PRRC1: variants seen among roughly 807,000 people sequenced by gnomAD.
The protein encoded by PRRC1 is protein PRRC1.
PRRC1 carries 39 observed loss-of-function variants against 40.7 expected under a neutral mutation model. That is an observed-to-expected ratio of 0.96 (90% CI 0.74 to 1.25). The LOEUF (loss-of-function observed/expected upper bound fraction) is 1.25. PRRC1 is among the 50% of genes most tolerant of loss of function. The pLI is 0.00. For missense variants in PRRC1, 573 were observed against 548.3 expected (o/e 1.05, Z -0.45); for synonymous variants, 175 against 193.3 (o/e 0.91, Z 0.79).
In PRRC1 at chr5:127,523,459, G is replaced by T. The variant is rs766150819; in HGVS notation, c.-20-1G>T. 4 of 1,484,154 alleles carry T rather than the reference G, an allele frequency of 2.7e-6. No homozygotes were observed. Among genetic ancestry groups the T allele is most frequent in the Non-Finnish European group, 3.7e-6 (4 of 1,079,482 alleles). 91.9% of individuals were successfully genotyped at this position (1,484,154 alleles called of 1,614,324 possible). A position where few individuals can be genotyped will look rare whatever the true frequency, so the allele number is the denominator to read the frequency against. The stretch of plus-strand genomic sequence containing the variant: ...TTTGTTACATTTTTGTGTTTTTATA[G>T]TATACCATAATTGAAGAAAAATGAT... On this transcript the variant is annotated splice_acceptor_variant, in intron 1 of 8. Transcript: ENST00000296666. LOFTEE classifies it low-confidence loss of function (5UTR_SPLICE).
At chr5:127,517,882 T>TGGGC (rs2127084388) in intron 1 of PRRC1, 106 bp downstream of exon 1, 1 of 152,166 alleles carries the variant, frequency 6.6e-6, no homozygotes, top group East Asian at 1.9e-4. Context: ...CCCTGGAAGG[T>TGGGC]GGGCGGGCCG....
chr5:127,539,706 G>A (rs58054308), intron 7 of PRRC1, among the ~76,000 whole-genome samples: 14 of 152,048 alleles, frequency 9.2e-5, no homozygotes, highest in African/African-American at 3.1e-4. Context: ...TTGCATTATG[G>A]TTTTGTTGTT....
chr5:127,546,433 G>A (rs1474999712), intron 7 of PRRC1, among the ~76,000 whole-genome samples: 1 of 152,012 alleles, frequency 6.6e-6, no homozygotes, highest in Non-Finnish European at 1.5e-5. Context: ...TGAATATATG[G>A]TGCTGTCTCT....
chr5:127,536,135 G>GC (rs1487696393), intron 6 of PRRC1, among the ~76,000 whole-genome samples: 2 of 152,044 alleles, frequency 1.3e-5, no homozygotes, highest in African/African-American at 4.8e-5. Flanking sequence ...GCTGCCAAAA[G>GC]CACATGCACT....
chr5:127,539,566 T>G (rs1298146565), intron 7 of PRRC1, among the ~76,000 whole-genome samples: 1 of 152,040 alleles, frequency 6.6e-6, no homozygotes, highest in South Asian at 2.1e-4. Context: ...CATAATAGTT[T>G]AGAAAAACCT....
chr5:127,526,108 G>T lies in PRRC1; in HGVS notation c.494-510G>T, dbSNP rs138718895. Among the ~76,000 whole-genome samples the T allele has an allele frequency of 5.4e-3, 827 of 152,220 alleles. 2 individuals are homozygous for T. The highest frequency in any genetic ancestry group is 8.9e-3 in the Non-Finnish European group (608 of 68,018). On this transcript the variant is annotated intron_variant, in intron 3 of 8. Coordinates refer to ENST00000296666, the MANE Select transcript of PRRC1 (RefSeq NM_130809.5). ...CTCTGCCTGTTGTTTCTCATTTTAG[G>T]GAAAAGCAGTAGCTTTGCTGTGCTT...
At chr5:127,531,617 CTTT>C (rs60179366) in intron 5 of PRRC1, among the ~76,000 whole-genome samples, 31 of 99,648 alleles carry the variant, frequency 3.1e-4, no homozygotes, top group Middle Eastern at 0.013. Context: ...TCTTCTTCTT[CTTT>C]TTTTTTTTTT....
chr5:127,537,929 C>T (rs1335800365), intron 6 of PRRC1, among the ~76,000 whole-genome samples: 2 of 151,950 alleles, frequency 1.3e-5, no homozygotes, highest in African/African-American at 4.8e-5. Flanking sequence ...CATATTTACA[C>T]TATTTGTATT....
At chr5:127,535,464 A>C (rs1165659691) in intron 6 of PRRC1, among the ~76,000 whole-genome samples, 2 of 152,206 alleles carry the variant, frequency 1.3e-5, no homozygotes, top group Admixed American at 1.3e-4. Flanking sequence ...AGAAGAAGTC[A>C]GGGCACTGCC....
chr5:127,528,608 A>G (rs1275612341), intron 4 of PRRC1, among the ~76,000 whole-genome samples: 1 of 151,776 alleles, frequency 6.6e-6, no homozygotes, highest in Non-Finnish European at 1.5e-5. Flanking sequence ...GAGCCACCGC[A>G]GGCAGCCTCT....
At chr5:127,538,921 A>T in intron 6 of PRRC1, 119 bp from the exon 7 acceptor site, 1 of 597,560 alleles carries the variant, frequency 1.7e-6, no homozygotes, top group Non-Finnish European at 2.8e-6. Context: ...TTGAACGTTT[A>T]CAGTGAGTAT....
intron 1 of PRRC1, among the ~76,000 whole-genome samples, chr5:127,518,476 G>A (rs556231969): frequency 1.4e-4 from 22 of 152,352 alleles, no homozygotes; most frequent in Admixed American, 1.2e-3. Context: ...TAGTTATTTT[G>A]AGAGACAACA....
intron 6 of PRRC1, among the ~76,000 whole-genome samples, chr5:127,537,732 A>G (rs1313727270): frequency 6.6e-6 from 1 of 151,942 alleles, no homozygotes; most frequent in African/African-American, 2.4e-5. Flanking sequence ...ATCCCTTAAT[A>G]GTTTTTACGG....
At chr5:127,527,239 A>G (rs984776594) in intron 4 of PRRC1, among the ~76,000 whole-genome samples, 5 of 152,216 alleles carry the variant, frequency 3.3e-5, no homozygotes, top group African/African-American at 1.2e-4. Flanking sequence ...ATTATGCACA[A>G]CATGATGTAT....
At position 127,553,280 on chromosome 5, in the gene PRRC1, G is replaced by A; in HGVS notation, c.*1364G>A. The stretch of plus-strand genomic sequence containing the variant: ...TAATGCCACTTCAAGTCATTATTTG[G>A]TTTCTGCTATTTTTTTACCTGAGGA... On this transcript the variant is annotated 3_prime_UTR_variant, in exon 9 of 9. Transcript: ENST00000296666. The A allele has an allele frequency of 1.0e-6, 1 of 986,824 alleles. No homozygotes were observed. Among genetic ancestry groups the A allele is most frequent in the Non-Finnish European group, 1.2e-6 (1 of 831,096 alleles). The allele number at this position is 986,824 out of a possible 1,614,324, so 61.1% of individuals were successfully genotyped here.
At chr5:127,522,095 G>A (rs1019347014) in intron 1 of PRRC1, among the ~76,000 whole-genome samples, 1 of 152,042 alleles carries the variant, frequency 6.6e-6, no homozygotes, top group African/African-American at 2.4e-5. Flanking sequence ...TATAGTGCTC[G>A]TCAAGCAGTT....
chr5:127,536,364 G>GTA (rs1488209750), intron 6 of PRRC1, among the ~76,000 whole-genome samples: 3 of 151,884 alleles, frequency 2.0e-5, no homozygotes, highest in East Asian at 1.9e-4. Context: ...TAAACTAGTT[G>GTA]TATATATATA....
chr5:127,535,501 G>T (rs972974558), intron 6 of PRRC1, among the ~76,000 whole-genome samples: 2 of 152,174 alleles, frequency 1.3e-5, no homozygotes, highest in Non-Finnish European at 2.9e-5. Context: ...AGGAGTGTAT[G>T]CATCAGGCAA....
At chr5:127,542,383 A>G (rs1011955245) in intron 7 of PRRC1, among the ~76,000 whole-genome samples, 2 of 152,128 alleles carry the variant, frequency 1.3e-5, no homozygotes, top group South Asian at 2.1e-4. Flanking sequence ...GTAGATGTCT[A>G]TTAGGTCCGC....
Sources: gnomAD v4.1 joint callset for allele counts (sites outside exome capture counted in the v4.1 genomes callset) on GRCh38, gnomAD v4.1.1 for gene constraint, MANE v1.5 for transcripts, NCBI Gene and HGNC (gene_info 2026-07-23, HGNC 2026-07-21) for gene names.